Variants in COL4A5 observed in about 807,000 individuals in gnomAD.
The protein encoded by COL4A5 is collagen type IV alpha 5 chain, also known as collagen alpha-5(IV) chain.
A neutral mutation model predicts 130.2 loss-of-function variants in COL4A5; 26 were observed. The observed-to-expected ratio is 0.20, with a 90% CI of 0.15 to 0.28. The LOEUF (loss-of-function observed/expected upper bound fraction) is 0.28, where lower values mean the gene tolerates loss of function less well. Ranked by LOEUF, COL4A5 falls within the 10% of genes least tolerant of loss-of-function variation. The pLI is 1.00. For missense variants in COL4A5, 1,131 were observed against 1,344.3 expected (o/e 0.84, Z 2.48); for synonymous variants, 496 against 439.6 (o/e 1.13, Z -1.60).
At chrX:108,569,504 A>G (rs1453728837) in intron 6 of COL4A5, among the ~76,000 whole-genome samples, 3 of 111,480 alleles carry the variant, frequency 2.7e-5, no homozygotes, top group Admixed American at 9.5e-5. Context: ...GTAAGCTTAC[A>G]ATATTATAGC....
chrX:108,514,506 C>T (rs928451084), intron 1 of COL4A5, among the ~76,000 whole-genome samples: 1 of 111,539 alleles, frequency 9.0e-6, no homozygotes, highest in Non-Finnish European at 1.9e-5. Flanking sequence ...TTTACACTGG[C>T]ATAGTTGCTA....
chrX:108,581,351 C>T (rs369038983), intron 16 of COL4A5, among the ~76,000 whole-genome samples: 29 of 111,401 alleles, frequency 2.6e-4, no homozygotes, highest in Non-Finnish European at 4.3e-4. Context: ...TCCAGTTACA[C>T]CAAATATAAA....
chrX:108,568,011 A>G (rs753576065), intron 4 of COL4A5, among the ~76,000 whole-genome samples: 2 of 112,005 alleles, frequency 1.8e-5, no homozygotes, highest in South Asian at 3.7e-4. Context: ...TTTGTTTCTC[A>G]TATTTTGTTT....
At chrX:108,584,091 A>C (rs905980237) in intron 17 of COL4A5, among the ~76,000 whole-genome samples, 55 of 109,319 alleles carry the variant, frequency 5.0e-4, no homozygotes, top group Non-Finnish European at 9.2e-4. Flanking sequence ...AAAAAAAAAA[A>C]AAAAGTAATT....
intron 3 of COL4A5, among the ~76,000 whole-genome samples, chrX:108,563,374 C>T (rs2065924172): frequency 9.0e-6 from 1 of 111,007 alleles, no homozygotes; most frequent in Non-Finnish European, 1.9e-5. Flanking sequence ...GTTTATGGTT[C>T]TTTTTAAATC....
chrX:108,591,076 C>T lies in COL4A5; in HGVS notation c.1184C>T (p.Pro395Leu), dbSNP rs147256613. ...PGPPGAAVMGPPGPPGFPGER... is the reference protein window; with the variant it reads ...PGPPGAAVMGLPGPPGFPGER... ...ATCTTAGGGGCTGCAGTTATGGGTC[C>T]TCCTGGCCCTCCTGGATTTCCTGGA... is the stretch of plus-strand genomic sequence containing the variant. The change falls in exon 20 of 53, where the codon CCT becomes CTT. Residue 395 changes from proline to leucine, a missense_variant. Pro to Leu is a moderately conservative substitution (Grantham distance 98, BLOSUM62 -3). Coordinates refer to ENST00000328300, the MANE Select transcript of COL4A5 (RefSeq NM_033380.3). 6 of 1,209,275 alleles carry T rather than the reference C, an allele frequency of 5.0e-6. No homozygotes were observed. The highest frequency in any genetic ancestry group is 6.7e-6 in the Non-Finnish European group (6 of 894,808).
At chrX:108,508,190 T>A (rs1227916226) in intron 1 of COL4A5, among the ~76,000 whole-genome samples, 1 of 110,493 alleles carries the variant, frequency 9.1e-6, no homozygotes, top group African/African-American at 3.3e-5. Flanking sequence ...TTTGGCAAAG[T>A]TTCCAGATAC....
intron 2 of COL4A5, among the ~76,000 whole-genome samples, chrX:108,546,239 G>C (rs2065651025): frequency 8.9e-6 from 1 of 112,010 alleles, no homozygotes; most frequent in African/African-American, 3.2e-5. Flanking sequence ...TTTTGCAGTG[G>C]CTGGTACTGG....
chrX:108,508,051 G>T (rs1299521227), intron 1 of COL4A5, among the ~76,000 whole-genome samples: 2 of 111,133 alleles, frequency 1.8e-5, no homozygotes, highest in East Asian at 5.7e-4. Context: ...AGTCAGGCAA[G>T]AGAAAGAAAT....
At chrX:108,621,693 AGTGCCTTAC>A in intron 31 of COL4A5, 101 bp from the exon 32 acceptor site, 2 of 592,092 alleles carry the variant, frequency 3.4e-6, no homozygotes, top group Admixed American at 2.7e-5. Context: ...AAAACTTAAC[AGTGCCTTAC>A]GTCCAACCCT....
chrX:108,440,275 G>A, intron 1 of COL4A5, 69 bp downstream of exon 1: 1 of 741,673 alleles, frequency 1.3e-6, no homozygotes, highest in Non-Finnish European at 2.1e-6. Flanking sequence ...TTTTTTTGGG[G>A]GGGGGGTCCC....
Position 108,674,777 on chromosome X carries a change from CTT to C in COL4A5, c.3808+41_3808+42del, listed in dbSNP as rs200814705. On this transcript the variant is annotated intron_variant, in intron 43 of 52. Coordinates refer to ENST00000328300, the MANE Select transcript of COL4A5 (RefSeq NM_033380.3). ...AGGTTAGACTCTTCACTGGTCAATT[CTT>C]TTTTTTTTTTTTTTTTAATGCTTTG... The C allele has an allele frequency of 0.02, 17,986 of 901,127 alleles. No individual in the cohort carries two copies. The highest frequency in any genetic ancestry group is 0.031 in the Admixed American group (782 of 25,218). The allele number at this position is 901,127 out of a possible 1,213,427, so 74.3% of individuals were successfully genotyped here. A position where few individuals can be genotyped will look rare whatever the true frequency, so the allele number is the denominator to read the frequency against.
intron 52 of COL4A5, 94 bp downstream of exon 52, chrX:108,695,533 A>C: frequency 1.1e-6 from 1 of 900,681 alleles, no homozygotes; most frequent in Non-Finnish European, 1.6e-6. Context: ...TCCTCAACAA[A>C]TGTTAGGAAT....
chrX:108,515,089 C>T (rs2065209113), intron 1 of COL4A5, among the ~76,000 whole-genome samples: 1 of 111,559 alleles, frequency 9.0e-6, no homozygotes, highest in Admixed American at 9.5e-5. Context: ...GAATAAACTA[C>T]AATTTTATAT....
chrX:108,643,783 G>C lies in COL4A5; in HGVS notation c.3247-11548G>C, dbSNP rs142194532. Among the ~76,000 whole-genome samples the C allele has an allele frequency of 7.4e-4, 82 of 111,514 alleles. 2 individuals are homozygous for C. In the East Asian group the frequency reaches 0.022, roughly 30 times the overall value. On this transcript the variant is annotated intron_variant, in intron 36 of 52. Coordinates refer to ENST00000328300, the MANE Select transcript of COL4A5 (RefSeq NM_033380.3). ...ACCTCTTTAAAGCATAAATCACATA[G>C]GACCTACAAAACAAAACTACAAGTT...
At chrX:108,668,283 T>C (rs745549014) in intron 40 of COL4A5, 36 bp from the exon 41 acceptor site, 1 of 1,155,125 alleles carries the variant, frequency 8.7e-7, no homozygotes, top group East Asian at 3.0e-5. Context: ...TGTAACTCGG[T>C]ATTATTTATC....
intron 1 of COL4A5, among the ~76,000 whole-genome samples, chrX:108,494,437 A>G (rs958159660): frequency 2.7e-5 from 3 of 112,049 alleles, no homozygotes; most frequent in Non-Finnish European, 3.8e-5. Flanking sequence ...TCTTCTTTCT[A>G]TATTTTTTTA....
intron 36 of COL4A5, among the ~76,000 whole-genome samples, chrX:108,638,344 C>A (rs763453653): frequency 9.2e-5 from 10 of 108,587 alleles, no homozygotes; most frequent in Non-Finnish European, 1.9e-4. Flanking sequence ...TTAATTAATG[C>A]AAAAAAAAGC....
Position 108,516,664 on chromosome X carries a change from C to G in COL4A5, c.82-23082C>G, listed in dbSNP as rs759257412. ...CAGTAAGGCTATATCTGTTGATTAA[C>G]TCATTTATCTGGAAGTAAATCATTC... On this transcript the variant is annotated intron_variant, in intron 1 of 52. Transcript: ENST00000328300. Among the ~76,000 whole-genome samples the G allele has an allele frequency of 2.7e-5, 3 of 111,924 alleles. No homozygotes were observed. In the South Asian group the frequency reaches 1.1e-3, roughly 41 times the overall value.
Sources: allele counts gnomAD v4.1 joint callset (sites outside exome capture counted in the v4.1 genomes callset), GRCh38; gene constraint gnomAD v4.1.1; transcripts MANE v1.5; gene names NCBI Gene and HGNC (gene_info 2026-07-23, HGNC 2026-07-21).